DMD: variants seen among roughly 807,000 people sequenced by gnomAD.
DMD encodes dystrophin, also known as mutant dystrophin.
DMD carries 63 observed loss-of-function variants against 330.1 expected under a neutral mutation model. The observed-to-expected ratio is 0.19, with a 90% confidence interval of 0.16 to 0.24. The LOEUF (loss-of-function observed/expected upper bound fraction) is 0.24, where lower values mean the gene tolerates loss of function less well. Among genes scored for constraint, DMD ranks in the 10% least tolerant of loss-of-function variants. The pLI is 1.00. For missense variants in DMD, 3,344 were observed against 2,684.1 expected (o/e 1.25, Z -5.43); for synonymous variants, 1,223 against 959.8 (o/e 1.27, Z -5.07).
intron 55 of DMD, among the ~76,000 whole-genome samples, chrX:31,534,846 GAC>G (rs1239907852): frequency 2.4e-5 from 1 of 41,407 alleles, no homozygotes; most frequent in Non-Finnish European, 4.1e-5. Context: ...ACCAACAACA[GAC>G]AAACAGAGAG....
At chrX:31,261,191 G>T in intron 62 of DMD, 175 bp from the exon 63 acceptor site, 1 of 441,048 alleles carries the variant, frequency 2.3e-6, no homozygotes, top group East Asian at 3.9e-5. Flanking sequence ...CAAGCAGAAA[G>T]GCCCCTTTCT....
chrX:33,026,146 T>C (rs2093992632), intron 1 of DMD, among the ~76,000 whole-genome samples: 1 of 107,574 alleles, frequency 9.3e-6, no homozygotes, highest in East Asian at 2.9e-4. Flanking sequence ...CCATCCTGGC[T>C]AACACGGTGA....
chrX:33,069,285 C>T (rs182861586), intron 1 of DMD, among the ~76,000 whole-genome samples: 31 of 110,660 alleles, frequency 2.8e-4, no homozygotes, highest in African/African-American at 1.0e-3. Flanking sequence ...ATCTCAATTT[C>T]TATCTTAAAA....
chrX:33,163,616 A>C (rs76702261), intron 1 of DMD, among the ~76,000 whole-genome samples: 397 of 10,343 alleles, frequency 0.038, 3 homozygotes, highest in Non-Finnish European at 0.05. Context: ...ATCTATATCT[A>C]TCTCTATCTA....
intron 1 of DMD, among the ~76,000 whole-genome samples, chrX:33,030,386 C>T (rs1237622834): frequency 8.9e-6 from 1 of 111,754 alleles, no homozygotes; most frequent in Non-Finnish European, 1.9e-5. Flanking sequence ...CCTCCTCATG[C>T]TCAAAAGAAT....
intron 7 of DMD, among the ~76,000 whole-genome samples, chrX:32,721,279 C>T (rs1444692780): frequency 1.8e-5 from 2 of 110,572 alleles, no homozygotes; most frequent in African/African-American, 6.6e-5. Context: ...AGGAAACACT[C>T]CCAGACAATT....
chrX:32,488,958 C>T (rs1430079389), intron 20 of DMD, among the ~76,000 whole-genome samples: 1 of 111,086 alleles, frequency 9.0e-6, no homozygotes, highest in Non-Finnish European at 1.9e-5. Flanking sequence ...TAACTGTTCT[C>T]TTACCTAATT....
At chrX:31,580,864 T>C (rs1222566273) in intron 55 of DMD, among the ~76,000 whole-genome samples, 2 of 111,714 alleles carry the variant, frequency 1.8e-5, no homozygotes, top group Non-Finnish European at 1.9e-5. Flanking sequence ...ATTGAGGAAA[T>C]CTTCTTCACA....
intron 17 of DMD, among the ~76,000 whole-genome samples, chrX:32,542,151 C>A (rs2048544357): frequency 9.0e-6 from 1 of 111,569 alleles, no homozygotes; most frequent in South Asian, 3.8e-4. Flanking sequence ...AGTCAAAAGG[C>A]CGGGCATGGT....
intron 44 of DMD, among the ~76,000 whole-genome samples, chrX:32,196,708 T>A (rs62589840): frequency 1.8e-5 from 2 of 109,989 alleles, no homozygotes; most frequent in African/African-American, 3.3e-5. Context: ...ACAGGTGGCC[T>A]GGCACGGTGG....
At chrX:32,068,487 C>T (rs190645820) in intron 44 of DMD, among the ~76,000 whole-genome samples, 21 of 105,532 alleles carry the variant, frequency 2.0e-4, no homozygotes, top group Non-Finnish European at 3.1e-4. Flanking sequence ...ATTCTTATAG[C>T]TTGAAGTCTT....
chrX:31,395,260 A>G (rs996186548), intron 60 of DMD, among the ~76,000 whole-genome samples: 5 of 112,359 alleles, frequency 4.5e-5, no homozygotes, highest in African/African-American at 1.3e-4. Flanking sequence ...CAACACTTAA[A>G]AAGAAGATGC....
At chrX:31,777,815 C>T (rs1159629980) in intron 50 of DMD, among the ~76,000 whole-genome samples, 7 of 112,061 alleles carry the variant, frequency 6.2e-5, no homozygotes, top group Non-Finnish European at 1.1e-4. Flanking sequence ...TGTAAGTACA[C>T]TATGTGGATT....
chrX:32,881,569 A>G (rs1187959517), intron 2 of DMD, among the ~76,000 whole-genome samples: 1 of 112,442 alleles, frequency 8.9e-6, no homozygotes, highest in African/African-American at 3.2e-5. Flanking sequence ...ATTACTTGCC[A>G]TAATTCACAT....
intron 1 of DMD, among the ~76,000 whole-genome samples, chrX:33,057,227 C>T (rs2094528241): frequency 2.1e-5 from 2 of 93,223 alleles, no homozygotes. Flanking sequence ...CATTTTAAAA[C>T]ACATAAAATG....
At chrX:31,270,321 A>C (rs921550934) in intron 62 of DMD, among the ~76,000 whole-genome samples, 2 of 110,665 alleles carry the variant, frequency 1.8e-5, no homozygotes, top group Non-Finnish European at 3.8e-5. Flanking sequence ...CATCCAGCCA[A>C]AGCCACCCTC....
chrX:32,160,691 G>A (rs1225383640), intron 44 of DMD, among the ~76,000 whole-genome samples: 1 of 109,968 alleles, frequency 9.1e-6, no homozygotes, highest in Non-Finnish European at 1.9e-5. Context: ...AGCACTATCA[G>A]GCTGTTGGCT....
At chrX:32,668,675 T>C (rs1042537159) in intron 9 of DMD, among the ~76,000 whole-genome samples, 1 of 111,405 alleles carries the variant, frequency 9.0e-6, no homozygotes, top group African/African-American at 3.3e-5. Context: ...AATCAAATCA[T>C]GTTAAACTGT....
chrX:32,535,385 G>A (rs2047858165), intron 17 of DMD, among the ~76,000 whole-genome samples: 1 of 111,683 alleles, frequency 9.0e-6, no homozygotes, highest in Non-Finnish European at 1.9e-5. Flanking sequence ...ATATTGGAAG[G>A]TGGGAGGAAG....
Sources: gnomAD v4.1 joint callset for allele counts (sites outside exome capture counted in the v4.1 genomes callset) on GRCh38, gnomAD v4.1.1 for gene constraint, MANE v1.5 for transcripts, NCBI Gene and HGNC (gene_info 2026-07-23, HGNC 2026-07-21) for gene names.